The following CEP162 variants were observed in gnomAD, a reference collection of about 807,000 sequenced individuals.
CEP162 encodes centrosomal protein of 162 kDa.
Under a neutral mutation model 169.2 loss-of-function variants are expected in CEP162, and 141 were observed. That is an observed-to-expected ratio of 0.83 (90% CI 0.73 to 0.96). The LOEUF (loss-of-function observed/expected upper bound fraction) is 0.96, where lower values mean the gene tolerates loss of function less well. Ranked by LOEUF, CEP162 falls within the 40% of genes least tolerant of loss-of-function variation. The probability of loss-of-function intolerance (pLI) is 0.00; values close to 1 mark genes in which losing one functional copy is unlikely to be tolerated. For synonymous variants in CEP162, 540 were observed against 526.4 expected, an observed-to-expected ratio of 1.03 and a Z score of -0.35; for missense variants, 1,600 against 1,587.2, an observed-to-expected ratio of 1.01 and a Z score of -0.14.
intron 4 of CEP162, 79 bp downstream of exon 4, chr6:84,215,697 C>G: frequency 6.7e-7 from 1 of 1,491,930 alleles, no homozygotes; most frequent in Non-Finnish European, 9.0e-7. Context: ...GTAAAGGAGG[C>G]TTCAAGATAA....
chr6:84,216,245 T>C (rs1044250432), intron 3 of CEP162, among the ~76,000 whole-genome samples: 3 of 152,222 alleles, frequency 2.0e-5, no homozygotes, highest in African/African-American at 7.2e-5. Context: ...TTATTCCCTC[T>C]GTTCTTTACA....
chr6:84,124,835 G>C lies in CEP162; in HGVS notation c.*235C>G. The C allele has an allele frequency of 2.0e-6, 1 of 508,580 alleles. No individual in the cohort carries two copies. Among genetic ancestry groups the C allele is most frequent in the Non-Finnish European group, 3.4e-6 (1 of 293,434 alleles). 31.5% of individuals were successfully genotyped at this position (508,580 alleles called of 1,614,324 possible). A position where few individuals can be genotyped will look rare whatever the true frequency, so the allele number is the denominator to read the frequency against. ...CAAGTGAGCCCTTCTCTGCTATAAAGGAAACTGTCCATAAATCACTTAAAA... is the reference window on the plus strand; with the variant it reads ...CAAGTGAGCCCTTCTCTGCTATAAACGAAACTGTCCATAAATCACTTAAAA... On this transcript the variant is annotated 3_prime_UTR_variant, in exon 27 of 27. Transcript: ENST00000403245.
chr6:84,174,927 T>C lies in CEP162; in HGVS notation c.1825A>G (p.Lys609Glu). The change falls in exon 15 of 27, where the codon AAG (lysine) becomes GAG (glutamate). Residue 609 changes from lysine to glutamate, a missense_variant. Lys to Glu is a moderately conservative substitution (Grantham distance 56, BLOSUM62 1). Coordinates refer to ENST00000403245, the MANE Select transcript of CEP162 (RefSeq NM_014895.4). ...TTAAACATAAGTAATTTCTTCTCCTTGTTCTCACCACAGTATCCTAAGGAA... is the reference window on the plus strand; with the variant it reads ...TTAAACATAAGTAATTTCTTCTCCTCGTTCTCACCACAGTATCCTAAGGAA... ...TDSLGYCGEN[K>E]EKKLLMFKRV... 6.3e-7 allele frequency: 1 copy of C among 1,593,244 alleles called. No homozygotes were observed. Among genetic ancestry groups the C allele is most frequent in the Non-Finnish European group, 8.6e-7 (1 of 1,169,470 alleles).
intron 25 of CEP162, among the ~76,000 whole-genome samples, chr6:84,138,431 C>G (rs62449282): frequency 0.11 from 16,227 of 152,146 alleles, 1,351 homozygotes; most frequent in African/African-American, 0.24. Flanking sequence ...ATTTCCACCA[C>G]CCTGAGAGGA....
chr6:84,135,190 T>C (rs1249982850), intron 25 of CEP162, among the ~76,000 whole-genome samples: 1 of 152,164 alleles, frequency 6.6e-6, no homozygotes, highest in African/African-American at 2.4e-5. Flanking sequence ...ATTAATAGTA[T>C]AAAAACACAT....
At chr6:84,217,110 G>A (rs965326577) in intron 3 of CEP162, among the ~76,000 whole-genome samples, 21 of 152,020 alleles carry the variant, frequency 1.4e-4, no homozygotes, top group Admixed American at 5.2e-4. Context: ...ACAATCAACA[G>A]CAAATATTTA....
chr6:84,225,150 TATAA>T (rs894475948), intron 2 of CEP162, among the ~76,000 whole-genome samples: 41 of 152,186 alleles, frequency 2.7e-4, no homozygotes, highest in African/African-American at 9.6e-4. Flanking sequence ...CCTCCATTTA[TATAA>T]ATAGAGTTTT....
intron 16 of CEP162, among the ~76,000 whole-genome samples, chr6:84,172,004 G>T (rs755517711): frequency 6.6e-5 from 10 of 152,174 alleles, no homozygotes; most frequent in Non-Finnish European, 1.3e-4. Context: ...TTCACAGGAG[G>T]TAAGTGGGAG....
At chr6:84,197,106 T>C (rs2099542470) in intron 9 of CEP162, among the ~76,000 whole-genome samples, 1 of 152,190 alleles carries the variant, frequency 6.6e-6, no homozygotes, top group African/African-American at 2.4e-5. Flanking sequence ...AAATGACTTC[T>C]ATGGTAAAGA....
intron 25 of CEP162, 51 bp from the exon 26 acceptor site, chr6:84,126,563 C>A: frequency 7.8e-7 from 1 of 1,283,274 alleles, no homozygotes; most frequent in Non-Finnish European, 1.1e-6. Flanking sequence ...AAGAATTTAA[C>A]AGGTAATCTT....
intron 25 of CEP162, among the ~76,000 whole-genome samples, chr6:84,134,209 C>T (rs916528811): frequency 6.6e-5 from 10 of 152,318 alleles, no homozygotes; most frequent in African/African-American, 1.9e-4. Flanking sequence ...CCACTCCCCC[C>T]ACCAAGCTTG....
chr6:84,143,832 T>C (rs2099517703), intron 25 of CEP162, among the ~76,000 whole-genome samples: 1 of 152,028 alleles, frequency 6.6e-6, no homozygotes, highest in Admixed American at 6.6e-5. Flanking sequence ...AAAGATTTTC[T>C]TTACCTTTAA....
chr6:84,149,434 A>G, intron 24 of CEP162, 128 bp downstream of exon 24: 3 of 567,106 alleles, frequency 5.3e-6, no homozygotes, highest in Non-Finnish European at 8.3e-6. Context: ...AGCCAATAAT[A>G]GTTTCCCATT....
At chr6:84,225,025 T>C (rs2099555155) in intron 2 of CEP162, among the ~76,000 whole-genome samples, 1 of 152,242 alleles carries the variant, frequency 6.6e-6, no homozygotes, top group Admixed American at 6.5e-5. Flanking sequence ...AGGCATTATT[T>C]TTCCATGAGA....
rs371128274 is a variant in CEP162, at chr6:84,163,100, C to G, written c.2512+44G>C. ...CTATTACTTAAATTCAACATTAGAA[C>G]AGTTATGATTATAAAGGTACACTGT... On this transcript the variant is annotated intron_variant, in intron 19 of 26. Coordinates refer to ENST00000403245, the MANE Select transcript of CEP162 (RefSeq NM_014895.4). 7.0e-4 allele frequency: 1,102 copies of G among 1,584,822 alleles called. 21 individuals are homozygous for G. In the South Asian group the frequency reaches 0.012, roughly 17 times the overall value.
At chr6:84,200,943 T>C (rs1346619161) in intron 8 of CEP162, 38 bp from the exon 9 acceptor site, 1 of 1,223,272 alleles carries the variant, frequency 8.2e-7, no homozygotes, top group Non-Finnish European at 1.2e-6. Flanking sequence ...GGAATGTAGA[T>C]AAACTCAGTG....
chr6:84,212,910 T>C, intron 6 of CEP162, 47 bp downstream of exon 6: 1 of 1,102,472 alleles, frequency 9.1e-7, no homozygotes, highest in Non-Finnish European at 1.3e-6. Flanking sequence ...TATTAAAAGC[T>C]ATATTATCTT....
Position 84,200,917 on chromosome 6 carries a change from T to A in CEP162, c.719-12A>T, listed in dbSNP as rs532920410. The A allele has an allele frequency of 1.4e-6, 2 of 1,460,878 alleles. No homozygotes were observed. Among genetic ancestry groups the A allele is most frequent in the East Asian group, 2.3e-5 (1 of 43,956 alleles). The allele number at this position is 1,460,878 out of a possible 1,614,324, so 90.5% of individuals were successfully genotyped here. A position where few individuals can be genotyped will look rare whatever the true frequency, so the allele number is the denominator to read the frequency against. On this transcript the variant is annotated splice_polypyrimidine_tract_variant and intron_variant, in intron 8 of 26. Transcript: ENST00000403245. The stretch of plus-strand genomic sequence containing the variant: ...ATCAAGCAGCACAACTGGAAGAATA[T>A]AAAAGAAAAATATAAGGAATGTAGA...
intron 10 of CEP162, 45 bp downstream of exon 10, chr6:84,194,839 A>T: frequency 7.5e-7 from 1 of 1,325,426 alleles, no homozygotes; most frequent in African/African-American, 1.5e-5. Flanking sequence ...AAAACTCTTT[A>T]GAAAGGATAT....
Sources: allele counts gnomAD v4.1 joint callset (sites outside exome capture counted in the v4.1 genomes callset), GRCh38; gene constraint gnomAD v4.1.1; transcripts MANE v1.5; gene names NCBI Gene and HGNC (gene_info 2026-07-23, HGNC 2026-07-21).